The following RAPH1 variants were observed in gnomAD, a reference collection of about 807,000 sequenced individuals.
The protein encoded by RAPH1 is ras-associated and pleckstrin homology domains-containing protein 1.
RAPH1 carries 18 observed loss-of-function variants against 88.1 expected under a neutral mutation model. That is an observed-to-expected ratio of 0.20 (90% CI 0.14 to 0.30). The LOEUF is 0.30. Ranked by LOEUF, RAPH1 falls within the 10% of genes least tolerant of loss-of-function variation. The probability of loss-of-function intolerance (pLI) is 1.00; values close to 1 mark genes in which losing one functional copy is unlikely to be tolerated. For missense variants in RAPH1, 1,448 were observed against 1,543.2 expected (o/e 0.94, Z 1.03); for synonymous variants, 587 against 559.0 (o/e 1.05, Z -0.71).
At chr2:203,490,196 CAAATAA>C (rs1467005775) in intron 3 of RAPH1, 107 bp from the exon 4 acceptor site, 1 of 1,114,720 alleles carries the variant, frequency 9.0e-7, no homozygotes, top group Non-Finnish European at 1.2e-6. Context: ...GGGCCTAAAG[CAAATAA>C]AATTAAGTAT....
In RAPH1 at chr2:203,533,976, A is replaced by C. The variant is rs554487318; in HGVS notation, c.-1+1135T>G. ...AATTCCAGGGCGTACGGTTTCCCCC[A>C]CTCCGAAGAGCTCTTTCCACCACCC... On this transcript the variant is annotated intron_variant, in intron 1 of 13. Coordinates refer to ENST00000319170, the MANE Select transcript of RAPH1 (RefSeq NM_213589.3). Among the ~76,000 whole-genome samples the C allele has an allele frequency of 7.2e-4, 110 of 152,036 alleles. 1 individual carries two copies. The highest frequency in any genetic ancestry group is 2.5e-3 in the African/African-American group (105 of 41,450).
chr2:203,468,106 A>G (rs1489486288), intron 4 of RAPH1, among the ~76,000 whole-genome samples: 2 of 152,210 alleles, frequency 1.3e-5, no homozygotes, highest in African/African-American at 2.4e-5. Context: ...TGCCTATGGT[A>G]GGAACTTTGT....
At position 203,480,561 on chromosome 2, in the gene RAPH1, T is replaced by C. The variant is rs1012221758; in HGVS notation, c.732+9023A>G. On this transcript the variant is annotated intron_variant, in intron 4 of 13. Transcript: ENST00000319170. ...AGACCCTGTCTCAAAAAATAAATAA[T>C]AAAAAATAAAAAAAGTAAAAACCAT... is the stretch of plus-strand genomic sequence containing the variant. Among the ~76,000 whole-genome samples, 7 of 151,578 alleles carry C rather than the reference T, an allele frequency of 4.6e-5. No homozygotes were observed. In the East Asian group the frequency reaches 5.8e-4, roughly 13 times the overall value.
At position 203,434,203 on chromosome 2, in the gene RAPH1, C is replaced by CTT. The variant is rs921654152; in HGVS notation, c.*5232_*5233dup. ...CATCTTCACTGAGCTGTGCATAATC[C>CTT]TTTGAATAATAATGTCCTCTACCTG... On this transcript the variant is annotated 3_prime_UTR_variant, in exon 14 of 14. Transcript: ENST00000319170. The CTT allele has an allele frequency of 3.9e-5, 6 of 152,392 alleles. No homozygotes were observed. Among genetic ancestry groups the CTT allele is most frequent in the Admixed American group, 3.9e-4 (6 of 15,256 alleles). 9.4% of individuals were successfully genotyped at this position (152,392 alleles called of 1,614,324 possible). A position where few individuals can be genotyped will look rare whatever the true frequency, so the allele number is the denominator to read the frequency against.
At chr2:203,525,825 C>G (rs1162232882) in intron 1 of RAPH1, among the ~76,000 whole-genome samples, 2 of 151,970 alleles carry the variant, frequency 1.3e-5, no homozygotes, top group Non-Finnish European at 2.9e-5. Context: ...AAGCTGGAGA[C>G]AAAAGCATGG....
At position 203,506,783 on chromosome 2, in the gene RAPH1, GATAT is replaced by G. The variant is rs1249763475; in HGVS notation, c.1-11434_1-11431del. Among the ~76,000 whole-genome samples, 8 of 38,354 alleles carry G rather than the reference GATAT, an allele frequency of 2.1e-4. 1 individual carries two copies. Among genetic ancestry groups the G allele is most frequent in the African/African-American group, 3.5e-4 (3 of 8,642 alleles). The allele number at this position is 38,354 out of a possible 152,430, so 25.2% of individuals were successfully genotyped here. A position where few individuals can be genotyped will look rare whatever the true frequency, so the allele number is the denominator to read the frequency against. ...CTATATATATATCTATATATATCTA[GATAT>G]ATATATCTATATATATATCTATATC... is the stretch of plus-strand genomic sequence containing the variant. On this transcript the variant is annotated intron_variant, in intron 1 of 13. Coordinates refer to ENST00000319170, the MANE Select transcript of RAPH1 (RefSeq NM_213589.3).
At chr2:203,469,124 G>C (rs1435439198) in intron 4 of RAPH1, among the ~76,000 whole-genome samples, 1 of 152,196 alleles carries the variant, frequency 6.6e-6, no homozygotes, top group Non-Finnish European at 1.5e-5. Flanking sequence ...GTTTGGAAAT[G>C]TGCTCTTGGG....
chr2:203,461,564 A>T (rs1167730929), intron 5 of RAPH1, among the ~76,000 whole-genome samples, 156 bp from the exon 6 acceptor site: 1 of 152,130 alleles, frequency 6.6e-6, no homozygotes, highest in East Asian at 1.9e-4. Context: ...GCTAAAAATC[A>T]GACATCAAAT....
chr2:203,468,935 G>A (rs2098530849), intron 4 of RAPH1, among the ~76,000 whole-genome samples: 1 of 152,158 alleles, frequency 6.6e-6, no homozygotes, highest in African/African-American at 2.4e-5. Flanking sequence ...TAGCAAAGAT[G>A]ATCAGAGGGC....
intron 8 of RAPH1, 77 bp from the exon 9 acceptor site, chr2:203,455,657 T>G: frequency 2.2e-6 from 3 of 1,361,954 alleles, no homozygotes; most frequent in Non-Finnish European, 3.1e-6. Context: ...TCCTGTGAAA[T>G]GCATGACAGT....
At chr2:203,486,491 A>C (rs1388759071) in intron 4 of RAPH1, among the ~76,000 whole-genome samples, 1 of 152,194 alleles carries the variant, frequency 6.6e-6, no homozygotes, top group African/African-American at 2.4e-5. Context: ...TAGGTAATAC[A>C]TACCACTAAA....
intron 1 of RAPH1, among the ~76,000 whole-genome samples, chr2:203,497,755 A>T (rs1001312623): frequency 5.9e-5 from 9 of 152,188 alleles, no homozygotes; most frequent in African/African-American, 1.7e-4. Flanking sequence ...CAATTTCCCA[A>T]TTCATAAATG....
rs367628706 is a variant in RAPH1 at position 203,438,359 on chromosome 2, T to C, written c.*1078A>G. On this transcript the variant is annotated 3_prime_UTR_variant, in exon 14 of 14. Transcript: ENST00000319170. The stretch of plus-strand genomic sequence containing the variant: ...CTTCTATAGAGCAATGCTCAAAAAA[T>C]GCATTTTAGAAAATGATTTTGTTTT... 55 of 338,260 alleles carry C rather than the reference T, an allele frequency of 1.6e-4. No individual in the cohort carries two copies. Among genetic ancestry groups the C allele is most frequent in the African/African-American group, 1.1e-3 (52 of 46,188 alleles). 21.0% of individuals were successfully genotyped at this position (338,260 alleles called of 1,614,324 possible). A position where few individuals can be genotyped will look rare whatever the true frequency, so the allele number is the denominator to read the frequency against.
At chr2:203,485,343 G>A (rs368452519) in intron 4 of RAPH1, among the ~76,000 whole-genome samples, 16 of 151,576 alleles carry the variant, frequency 1.1e-4, no homozygotes, top group East Asian at 9.7e-4. Context: ...CCTGGGAGGC[G>A]GAGGTTGCAG....
chr2:203,495,249 T>G lies in RAPH1; in HGVS notation c.105A>C (p.Leu35=). The stretch of plus-strand genomic sequence containing the variant: ...CACTACTCACCTGAGTGAGTTTGTC[T>G]AGTTCTCCAAGCCAGGCTCCAAACA... ...DKMFGAWLGE[L]DKLTQSLDSD... is the part of the protein sequence containing the mutation. The change falls in exon 2 of 14, where the codon CTA becomes CTC. Residue 35 remains leucine (L), a synonymous_variant. Coordinates refer to ENST00000319170, the MANE Select transcript of RAPH1 (RefSeq NM_213589.3). The G allele has an allele frequency of 6.2e-7, 1 of 1,614,110 alleles. No individual in the cohort carries two copies. The highest frequency in any genetic ancestry group is 2.2e-5 in the East Asian group (1 of 44,866).
At chr2:203,483,708 G>C (rs1687830506) in intron 4 of RAPH1, among the ~76,000 whole-genome samples, 1 of 152,192 alleles carries the variant, frequency 6.6e-6, no homozygotes, top group African/African-American at 2.4e-5. Context: ...CATCCTCATT[G>C]TGGGTAGGCA....
At chr2:203,520,048 C>T (rs1049947424) in intron 1 of RAPH1, among the ~76,000 whole-genome samples, 2 of 152,100 alleles carry the variant, frequency 1.3e-5, no homozygotes, top group Non-Finnish European at 2.9e-5. Flanking sequence ...ACCACAGAGG[C>T]CAGGCACAGT....
In RAPH1 at chr2:203,477,130, G is replaced by C. The variant is rs200863782; in HGVS notation, c.732+12454C>G. On this transcript the variant is annotated intron_variant, in intron 4 of 13. Transcript: ENST00000319170. ...AGTCAATATGACGCTTGGCCTGCTT[G>C]CTGGAACATCTCAGAGAAATAGCAT... 3.1e-6 allele frequency: 5 copies of C among 1,613,796 alleles called. No individual in the cohort carries two copies. The African/African-American group carries it at 4.0e-5, about 13-fold the overall frequency.
intron 2 of RAPH1, among the ~76,000 whole-genome samples, chr2:203,492,328 T>A (rs1024294466): frequency 6.6e-6 from 1 of 152,142 alleles, no homozygotes; most frequent in Non-Finnish European, 1.5e-5. Context: ...ATCTTTGCTA[T>A]ATGAAGTACT....
Sources: allele counts gnomAD v4.1 joint callset (sites outside exome capture counted in the v4.1 genomes callset), GRCh38; gene constraint gnomAD v4.1.1; transcripts MANE v1.5; gene names NCBI Gene and HGNC (gene_info 2026-07-23, HGNC 2026-07-21).